CBFA2T2: variants seen among roughly 807,000 people sequenced by gnomAD.
The protein encoded by CBFA2T2 is protein CBFA2T2.
Under a neutral mutation model 62.2 loss-of-function variants are expected in CBFA2T2, and 11 were observed. That is an observed-to-expected ratio of 0.18 (90% CI 0.11 to 0.29). CBFA2T2 has a LOEUF of 0.29. Among genes scored for constraint, CBFA2T2 ranks in the 10% least tolerant of loss-of-function variants. The pLI is 1.00. For missense variants in CBFA2T2, 592 were observed against 774.1 expected (o/e 0.76, Z 2.79); for synonymous variants, 295 against 287.5 (o/e 1.03, Z -0.27).
chr20:33,557,744 T>G (rs2012947110), intron 1 of CBFA2T2, among the ~76,000 whole-genome samples: 1 of 151,998 alleles, frequency 6.6e-6, no homozygotes, highest in African/African-American at 2.4e-5. Flanking sequence ...TGGCCTCAAG[T>G]GATCCTTCCA....
At chr20:33,555,582 G>A (rs777081255) in intron 1 of CBFA2T2, among the ~76,000 whole-genome samples, 1 of 152,160 alleles carries the variant, frequency 6.6e-6, no homozygotes, top group African/African-American at 2.4e-5. Flanking sequence ...CACTCTGAAA[G>A]TGGAAATATG....
intron 1 of CBFA2T2, among the ~76,000 whole-genome samples, chr20:33,539,687 G>GTTT (rs34591002): frequency 1.4e-5 from 2 of 138,446 alleles, no homozygotes; most frequent in Non-Finnish European, 1.6e-5. Flanking sequence ...TGTTTTTTGT[G>GTTT]TTTTTTTTTT....
rs951390740 is a variant in CBFA2T2 at position 33,648,794 on chromosome 20, T to G, written c.*4148T>G. The G allele has an allele frequency of 6.6e-6, 1 of 152,256 alleles. No individual in the cohort carries two copies. Among genetic ancestry groups the G allele is most frequent in the Non-Finnish European group, 1.5e-5 (1 of 68,076 alleles). The allele number at this position is 152,256 out of a possible 1,614,324, so 9.4% of individuals were successfully genotyped here. Reference sequence around the variant, plus strand: ...TTTGGGCCAGAAGGTCACCAGGAGTTCATCACTGCTTAGTGTCAACTTGAC... The same window carrying G: ...TTTGGGCCAGAAGGTCACCAGGAGTGCATCACTGCTTAGTGTCAACTTGAC... On this transcript the variant is annotated 3_prime_UTR_variant, in exon 11 of 11. Transcript: ENST00000342704.
chr20:33,568,836 T>TA (rs2146900440), intron 1 of CBFA2T2, among the ~76,000 whole-genome samples: 1 of 152,248 alleles, frequency 6.6e-6, no homozygotes, highest in African/African-American at 2.4e-5. Flanking sequence ...CAACCTCTAT[T>TA]ACTCAAACTA....
intron 1 of CBFA2T2, among the ~76,000 whole-genome samples, chr20:33,496,702 T>C (rs2011202863): frequency 6.6e-6 from 1 of 152,166 alleles, no homozygotes; most frequent in Non-Finnish European, 1.5e-5. Flanking sequence ...TCCCTTTCCT[T>C]ATCTGGCACT....
In CBFA2T2 at chr20:33,647,310, G is replaced by GT. The variant is rs749488722; in HGVS notation, c.*2667dup. 6.6e-6 allele frequency: 1 copy of GT among 152,244 alleles called. No homozygotes were observed. Among genetic ancestry groups the GT allele is most frequent in the Non-Finnish European group, 1.5e-5 (1 of 68,060 alleles). The allele number at this position is 152,244 out of a possible 1,614,324, so 9.4% of individuals were successfully genotyped here. ...TTTGTTTGTTTGTTTTGAGACGGGA[G>GT]TTTCTCTCTTGTCTCCCAGGCTGGA... On this transcript the variant is annotated 3_prime_UTR_variant, in exon 11 of 11. Coordinates refer to ENST00000342704, the MANE Select transcript of CBFA2T2 (RefSeq NM_001032999.3).
At position 33,576,999 on chromosome 20, in the gene CBFA2T2, TG is replaced by T. The variant is rs1329272622; in HGVS notation, c.35-29955del. Among the ~76,000 whole-genome samples, 48 of 152,240 alleles carry T rather than the reference TG, an allele frequency of 3.2e-4. 1 individual carries two copies. Among genetic ancestry groups the T allele is most frequent in the Non-Finnish European group, 5.9e-4 (40 of 68,042 alleles). On this transcript the variant is annotated intron_variant, in intron 1 of 10. Coordinates refer to ENST00000342704, the MANE Select transcript of CBFA2T2 (RefSeq NM_001032999.3). The stretch of plus-strand genomic sequence containing the variant: ...ATTTTAGTTCAATGCCAAAAAAAGA[TG>T]GAGCACTCCATAATAGATGAATTGA...
In CBFA2T2 at chr20:33,604,354, C is replaced by G. The variant is rs8116926; in HGVS notation, c.35-2602C>G. ...TCCTGACAGGTAGGTCTTACTGTCA[C>G]TCATTTTACATATGTTGAAAATGAG... On this transcript the variant is annotated intron_variant, in intron 1 of 10. Coordinates refer to ENST00000342704, the MANE Select transcript of CBFA2T2 (RefSeq NM_001032999.3). 7.4e-3 allele frequency among the ~76,000 whole-genome samples: 1,119 copies of G among 152,210 alleles called. 18 individuals are homozygous for G. The highest frequency in any genetic ancestry group is 0.026 in the African/African-American group (1,081 of 41,524).
At chr20:33,555,029 T>C (rs940730813) in intron 1 of CBFA2T2, among the ~76,000 whole-genome samples, 1 of 152,150 alleles carries the variant, frequency 6.6e-6, no homozygotes, top group Admixed American at 6.5e-5. Context: ...CTGGAAGAAG[T>C]TCAGAGAGCT....
At chr20:33,638,183 C>A (rs1341020781) in intron 9 of CBFA2T2, among the ~76,000 whole-genome samples, 1 of 151,704 alleles carries the variant, frequency 6.6e-6, no homozygotes, top group Non-Finnish European at 1.5e-5. Context: ...CCATATTGGC[C>A]AGGCTGGTTT....
chr20:33,551,751 T>G (rs528918268), intron 1 of CBFA2T2, among the ~76,000 whole-genome samples: 1 of 151,644 alleles, frequency 6.6e-6, no homozygotes, highest in East Asian at 2.0e-4. Flanking sequence ...AGGCTGGTCT[T>G]GAACTCCTGA....
chr20:33,597,491 T>G (rs2014942431), intron 1 of CBFA2T2, among the ~76,000 whole-genome samples: 1 of 152,278 alleles, frequency 6.6e-6, no homozygotes. Flanking sequence ...CAGCAAGTGG[T>G]GAGCCAGTGC....
At chr20:33,521,823 C>CGTGT (rs111558647) in intron 1 of CBFA2T2, among the ~76,000 whole-genome samples, 1,711 of 148,460 alleles carry the variant, frequency 0.012, 22 homozygotes, top group African/African-American at 0.032. Context: ...ATTTGAGCTG[C>CGTGT]GTGTGTGTGT....
At chr20:33,628,188 TGTTG>T (rs1315849536) in intron 6 of CBFA2T2, among the ~76,000 whole-genome samples, 158 bp from the exon 7 acceptor site, 1 of 152,254 alleles carries the variant, frequency 6.6e-6, no homozygotes, top group Non-Finnish European at 1.5e-5. Flanking sequence ...CGTGATCCTT[TGTTG>T]GTTATATTGT....
intron 3 of CBFA2T2, among the ~76,000 whole-genome samples, chr20:33,615,766 CT>C (rs905400905): frequency 6.6e-6 from 1 of 151,892 alleles, no homozygotes; most frequent in African/African-American, 2.4e-5. Flanking sequence ...GAGAGAGACT[CT>C]TAAAGGTAGA....
At position 33,492,425 on chromosome 20, in the gene CBFA2T2, A is replaced by AT. The variant is rs1003007422; in HGVS notation, c.34+2124_34+2125insT. Among the ~76,000 whole-genome samples the AT allele has an allele frequency of 5.6e-5, 8 of 142,012 alleles. No individual in the cohort carries two copies. The South Asian group carries it at 1.3e-3, about 23-fold the overall frequency. The allele number at this position is 142,012 out of a possible 152,430, so 93.2% of individuals were successfully genotyped here. A position where few individuals can be genotyped will look rare whatever the true frequency, so the allele number is the denominator to read the frequency against. On this transcript the variant is annotated intron_variant, in intron 1 of 10. Coordinates refer to ENST00000342704, the MANE Select transcript of CBFA2T2 (RefSeq NM_001032999.3). ...AAACTTGCTTTCACTTAAAAAAAAA[A>AT]GATTGTGTCCAAATTTCTTTTGTGT... is the stretch of plus-strand genomic sequence containing the variant.
At chr20:33,588,423 A>C (rs2014473681) in intron 1 of CBFA2T2, among the ~76,000 whole-genome samples, 1 of 151,564 alleles carries the variant, frequency 6.6e-6, no homozygotes, top group African/African-American at 2.4e-5. Context: ...ATGTTAATGT[A>C]GCATATATTA....
At chr20:33,582,549 G>A (rs562257625) in intron 1 of CBFA2T2, among the ~76,000 whole-genome samples, 13 of 152,244 alleles carry the variant, frequency 8.5e-5, no homozygotes, top group South Asian at 6.2e-4. Flanking sequence ...GGCCGGGCGC[G>A]GTGGCGTACA....
chr20:33,546,030 T>G (rs2012556757), intron 1 of CBFA2T2, among the ~76,000 whole-genome samples: 1 of 152,224 alleles, frequency 6.6e-6, no homozygotes, highest in Non-Finnish European at 1.5e-5. Flanking sequence ...GCCTGTATCT[T>G]TCTGTGCAAG....
Sources: gnomAD v4.1 joint callset for allele counts (sites outside exome capture counted in the v4.1 genomes callset) on GRCh38, gnomAD v4.1.1 for gene constraint, MANE v1.5 for transcripts, NCBI Gene and HGNC (gene_info 2026-07-23, HGNC 2026-07-21) for gene names.